METTL16: variants seen among roughly 807,000 people sequenced by gnomAD.
METTL16 encodes RNA N(6)-adenosine-methyltransferase METTL16.
Under a neutral mutation model 57.9 loss-of-function variants are expected in METTL16, and 19 were observed. That is an observed-to-expected ratio of 0.33 (90% confidence interval 0.23 to 0.48). METTL16 has a LOEUF of 0.48. Ranked by LOEUF, METTL16 falls within the 20% of genes least tolerant of loss-of-function variation. The pLI, the probability that METTL16 is intolerant of heterozygous loss-of-function variation, is 0.99. For synonymous variants in METTL16, 246 were observed against 255.6 expected (o/e 0.96, Z 0.36); for missense variants, 434 against 691.5 (o/e 0.63, Z 4.18).
intron 1 of METTL16, among the ~76,000 whole-genome samples, chr17:2,506,969 G>A (rs1446651436): frequency 1.4e-5 from 2 of 142,634 alleles, no homozygotes; most frequent in African/African-American, 2.5e-5. Flanking sequence ...CCTCTGCCTG[G>A]CAACCGCCCC....
chr17:2,488,834 T>TA (rs1398669279), intron 2 of METTL16, among the ~76,000 whole-genome samples: 2 of 152,056 alleles, frequency 1.3e-5, no homozygotes, highest in African/African-American at 4.8e-5. Flanking sequence ...CTCACAACAA[T>TA]AAAAAAAATT....
intron 2 of METTL16, among the ~76,000 whole-genome samples, chr17:2,482,459 G>A (rs531215900): frequency 3.3e-5 from 5 of 152,300 alleles, no homozygotes; most frequent in East Asian, 3.9e-4. Context: ...ATAATAAAAT[G>A]TAAGTGTTTA....
intron 2 of METTL16, among the ~76,000 whole-genome samples, chr17:2,488,408 T>C (rs2067359419): frequency 1.3e-5 from 2 of 151,880 alleles, no homozygotes; most frequent in East Asian, 3.9e-4. Flanking sequence ...AATACAAAAA[T>C]TAGCCAGGCT....
chr17:2,433,265 G>A (rs899136221), intron 8 of METTL16, among the ~76,000 whole-genome samples: 3 of 152,174 alleles, frequency 2.0e-5, no homozygotes, highest in African/African-American at 7.2e-5. Flanking sequence ...CTCTGACTTC[G>A]GCACCATGGG....
chr17:2,419,651 C>A lies in METTL16; in HGVS notation c.*319G>T, dbSNP rs1325043760. The A allele has an allele frequency of 3.7e-6, 2 of 543,072 alleles. No homozygotes were observed. Among genetic ancestry groups the A allele is most frequent in the African/African-American group, 1.9e-5 (1 of 53,438 alleles). The allele number at this position is 543,072 out of a possible 1,614,324, so 33.6% of individuals were successfully genotyped here. A position where few individuals can be genotyped will look rare whatever the true frequency, so the allele number is the denominator to read the frequency against. On this transcript the variant is annotated 3_prime_UTR_variant, in exon 10 of 10. Transcript: ENST00000263092. ...GCCCAGCCCAGACTCCACAAACAACCCTTCTGACCTTGCAGAGGCAGTCCA... is the reference window on the plus strand; with the variant it reads ...GCCCAGCCCAGACTCCACAAACAACACTTCTGACCTTGCAGAGGCAGTCCA...
intron 7 of METTL16, among the ~76,000 whole-genome samples, chr17:2,440,092 A>G (rs1032056741): frequency 1.3e-5 from 2 of 152,196 alleles, no homozygotes; most frequent in African/African-American, 4.8e-5. Context: ...CCTTGTTTCT[A>G]CTAAAAATTT....
chr17:2,423,760 T>A (rs901302088), intron 8 of METTL16, among the ~76,000 whole-genome samples: 1 of 152,176 alleles, frequency 6.6e-6, no homozygotes, highest in Non-Finnish European at 1.5e-5. Context: ...ACCAGTAAAG[T>A]CAGGATATTG....
intron 2 of METTL16, among the ~76,000 whole-genome samples, chr17:2,494,661 C>T (rs1156708532): frequency 6.6e-6 from 1 of 151,850 alleles, no homozygotes; most frequent in Non-Finnish European, 1.5e-5. Context: ...AGCTATAATC[C>T]TACCACTGCA....
chr17:2,440,994 A>AAAAAAAAG (rs1555616313), intron 7 of METTL16, among the ~76,000 whole-genome samples: 3 of 118,898 alleles, frequency 2.5e-5, no homozygotes, highest in Non-Finnish European at 4.8e-5. Flanking sequence ...AAAAAAAAAA[A>AAAAAAAAG]AAGAAGAAGA....
intron 2 of METTL16, among the ~76,000 whole-genome samples, chr17:2,498,682 T>C (rs1485612424): frequency 2.0e-5 from 3 of 151,420 alleles, no homozygotes; most frequent in Admixed American, 6.6e-5. Flanking sequence ...GAGGTTGCAG[T>C]GAACCAAGAT....
intron 6 of METTL16, among the ~76,000 whole-genome samples, chr17:2,461,440 C>T (rs1391124474): frequency 6.6e-6 from 1 of 152,084 alleles, no homozygotes; most frequent in Non-Finnish European, 1.5e-5. Flanking sequence ...ATAAAATAAG[C>T]AGCTTTCCAC....
At chr17:2,506,711 G>A (rs1286859931) in intron 1 of METTL16, among the ~76,000 whole-genome samples, 7 of 152,012 alleles carry the variant, frequency 4.6e-5, no homozygotes, top group African/African-American at 9.7e-5. Context: ...CCGCCACCCC[G>A]TCTGGGAAGT....
chr17:2,477,101 G>A (rs994020178), intron 3 of METTL16, among the ~76,000 whole-genome samples: 2 of 152,090 alleles, frequency 1.3e-5, no homozygotes, highest in African/African-American at 4.8e-5. Flanking sequence ...CAGCACTTTG[G>A]GAAGCCAAGG....
intron 4 of METTL16, among the ~76,000 whole-genome samples, chr17:2,470,880 T>C (rs2067230477): frequency 6.6e-6 from 1 of 152,182 alleles, no homozygotes; most frequent in East Asian, 1.9e-4. Context: ...TAAAGTTTAT[T>C]TGGAGAGGCA....
intron 6 of METTL16, among the ~76,000 whole-genome samples, chr17:2,451,185 C>A (rs1032611233): frequency 6.6e-6 from 1 of 152,120 alleles, no homozygotes; most frequent in Non-Finnish European, 1.5e-5. Context: ...TTTGTTTAGG[C>A]AATCCTTTTT....
intron 2 of METTL16, among the ~76,000 whole-genome samples, chr17:2,491,251 G>A (rs1464753131): frequency 6.6e-6 from 1 of 152,152 alleles, no homozygotes; most frequent in Non-Finnish European, 1.5e-5. Context: ...AGTCTTTGTT[G>A]TTTGTTTAAC....
At chr17:2,478,541 A>C (rs2067282533) in intron 2 of METTL16, among the ~76,000 whole-genome samples, 1 of 152,202 alleles carries the variant, frequency 6.6e-6, no homozygotes, top group Non-Finnish European at 1.5e-5. Flanking sequence ...ACAATTGAAT[A>C]GTTTCTAGTA....
intron 6 of METTL16, among the ~76,000 whole-genome samples, chr17:2,447,246 T>C (rs549503577): frequency 2.2e-3 from 307 of 141,368 alleles, no homozygotes; most frequent in African/African-American, 8.1e-3. Context: ...CTGTCTGGGA[T>C]GTGAGGAGCG....
chr17:2,505,060 C>G (rs1325554381), intron 1 of METTL16, among the ~76,000 whole-genome samples: 1 of 151,958 alleles, frequency 6.6e-6, no homozygotes, highest in Non-Finnish European at 1.5e-5. Flanking sequence ...GAAATAAAAG[C>G]AAATGTACTT....
Sources: allele counts gnomAD v4.1 joint callset (sites outside exome capture counted in the v4.1 genomes callset), GRCh38; gene constraint gnomAD v4.1.1; transcripts MANE v1.5; gene names NCBI Gene and HGNC (gene_info 2026-07-23, HGNC 2026-07-21).